The following WWTR1 variants were observed in gnomAD, a reference collection of about 807,000 sequenced individuals.
WWTR1 encodes WW domain containing transcription regulator 1.
A neutral mutation model predicts 40.1 loss-of-function variants in WWTR1; 13 were observed. The ratio of observed to expected loss-of-function variants is 0.32; its 90% confidence interval spans 0.21 to 0.52. The LOEUF (loss-of-function observed/expected upper bound fraction) is 0.52. WWTR1 is among the 20% of genes least tolerant of loss of function. The probability of loss-of-function intolerance (pLI) is 0.97; values close to 1 mark genes in which losing one functional copy is unlikely to be tolerated. For synonymous variants in WWTR1, 230 were observed against 210.1 expected, an observed-to-expected ratio of 1.09 and a Z score of -0.82; for missense variants, 436 against 523.1, an observed-to-expected ratio of 0.83 and a Z score of 1.63.
intron 2 of WWTR1, among the ~76,000 whole-genome samples, chr3:149,615,690 T>C (rs1739939862): frequency 6.6e-6 from 1 of 152,210 alleles, no homozygotes; most frequent in South Asian, 2.1e-4. Context: ...CCTTGAGACA[T>C]GCCTGTTCAG....
intron 2 of WWTR1, among the ~76,000 whole-genome samples, chr3:149,584,916 A>T (rs1416594175): frequency 6.6e-6 from 1 of 152,238 alleles, no homozygotes; most frequent in Non-Finnish European, 1.5e-5. Context: ...AGTGCCGGAT[A>T]TGCATGACAC....
In WWTR1 at chr3:149,573,418, C is replaced by G. The variant is rs534410728; in HGVS notation, c.432-418G>C. ...GCCAGTACCCCATACTCTCCTGACT[C>G]ATAGAATTGACATAATGAGGATCCC... On this transcript the variant is annotated intron_variant, in intron 2 of 6. Transcript: ENST00000360632. Among the ~76,000 whole-genome samples, 29 of 152,268 alleles carry G rather than the reference C, an allele frequency of 1.9e-4. No individual in the cohort carries two copies. In the East Asian group the frequency reaches 5.4e-3, roughly 28 times the overall value.
chr3:149,700,143 A>G (rs1034041646), intron 1 of WWTR1, among the ~76,000 whole-genome samples: 3 of 152,106 alleles, frequency 2.0e-5, no homozygotes, highest in African/African-American at 7.2e-5. Context: ...GTGACAGTGG[A>G]AGCAGTAGCT....
intron 3 of WWTR1, among the ~76,000 whole-genome samples, chr3:149,543,596 A>AAAAAAAAAAAAAAAAAAAAAAAAAAC (rs1736233443): frequency 6.7e-6 from 1 of 149,454 alleles, no homozygotes; most frequent in Non-Finnish European, 1.5e-5. Context: ...AAAAAAAAAA[A>AAAAAAAAAAAAAAAAAAAAAAAAAAC]AAAAAAAGAA....
intron 2 of WWTR1, among the ~76,000 whole-genome samples, chr3:149,627,974 G>T (rs1166338331): frequency 6.6e-6 from 1 of 151,984 alleles, no homozygotes; most frequent in Non-Finnish European, 1.5e-5. Flanking sequence ...TCGGGAGGCT[G>T]AGGCAGAAAA....
At chr3:149,710,097 C>T (rs1445390581) in intron 5 of WWTR1, among the ~76,000 whole-genome samples, 1 of 152,076 alleles carries the variant, frequency 6.6e-6, no homozygotes, top group Non-Finnish European at 1.5e-5. Flanking sequence ...CATAAGACTC[C>T]CAGTGGCCAT....
chr3:149,541,402 A>T (rs959659701), intron 4 of WWTR1, among the ~76,000 whole-genome samples: 4 of 152,224 alleles, frequency 2.6e-5, no homozygotes, highest in African/African-American at 4.8e-5. Context: ...TGACGGAATG[A>T]AAACTGAATG....
chr3:149,602,595 C>T (rs1202930278), intron 2 of WWTR1, among the ~76,000 whole-genome samples: 1 of 152,140 alleles, frequency 6.6e-6, no homozygotes, highest in Non-Finnish European at 1.5e-5. Context: ...GGCCACCAAA[C>T]CCCTCAAATA....
chr3:149,575,154 ATAAAG>A (rs1737828352), intron 2 of WWTR1, among the ~76,000 whole-genome samples: 1 of 152,160 alleles, frequency 6.6e-6, no homozygotes, highest in Non-Finnish European at 1.5e-5. Flanking sequence ...TTCCCTAAGT[ATAAAG>A]TAAATAATAA....
intron 2 of WWTR1, among the ~76,000 whole-genome samples, chr3:149,592,967 C>T (rs1257794536): frequency 6.6e-6 from 1 of 152,082 alleles, no homozygotes; most frequent in South Asian, 2.1e-4. Flanking sequence ...AAAAACACAC[C>T]AGAGATGGTA....
chr3:149,639,422 G>A (rs1436816678), intron 2 of WWTR1, among the ~76,000 whole-genome samples: 34 of 151,766 alleles, frequency 2.2e-4, no homozygotes, highest in Non-Finnish European at 4.3e-4. Context: ...TGCTCAGGCC[G>A]GTCTCAAACT....
At chr3:149,665,227 C>CTT (rs11398199) in intron 2 of WWTR1, among the ~76,000 whole-genome samples, 48,437 of 128,078 alleles carry the variant, frequency 0.38, 9,984 homozygotes, top group Middle Eastern at 0.55. Context: ...TCCTTTCTTT[C>CTT]TTTTTTTTTT....
chr3:149,663,266 C>T (rs1169955398), intron 2 of WWTR1, among the ~76,000 whole-genome samples: 1 of 151,958 alleles, frequency 6.6e-6, no homozygotes, highest in Non-Finnish European at 1.5e-5. Flanking sequence ...GATCCACCCA[C>T]CTCAGCCTCC....
intron 2 of WWTR1, among the ~76,000 whole-genome samples, chr3:149,663,233 T>C (rs2108177342): frequency 6.6e-6 from 1 of 151,740 alleles, no homozygotes; most frequent in Middle Eastern, 3.4e-3. Flanking sequence ...GGTTTCACCA[T>C]GTTGGCCAGG....
intron 3 of WWTR1, among the ~76,000 whole-genome samples, chr3:149,568,699 T>C (rs552205656): frequency 1.3e-5 from 2 of 152,304 alleles, no homozygotes; most frequent in African/African-American, 4.8e-5. Flanking sequence ...AATGGGTCTT[T>C]CCTCTTGCAA....
chr3:149,548,777 CAACA>C (rs1293180939), intron 3 of WWTR1, among the ~76,000 whole-genome samples: 2 of 152,184 alleles, frequency 1.3e-5, no homozygotes, highest in African/African-American at 4.8e-5. Flanking sequence ...CTCCTTTCGA[CAACA>C]AACTTCTCAG....
At chr3:149,612,335 C>T (rs956210437) in intron 2 of WWTR1, among the ~76,000 whole-genome samples, 8 of 150,456 alleles carry the variant, frequency 5.3e-5, no homozygotes, top group African/African-American at 1.5e-4. Flanking sequence ...ATTGGGTAAA[C>T]GTTCTCACAG....
chr3:149,544,082 C>G (rs1736260414), intron 3 of WWTR1, among the ~76,000 whole-genome samples: 1 of 151,828 alleles, frequency 6.6e-6, no homozygotes, highest in East Asian at 1.9e-4. Context: ...AAGTTAAATA[C>G]TTTTCATCTT....
At chr3:149,573,112 AGTG>A in intron 2 of WWTR1, 112 bp from the exon 3 acceptor site, 1 of 1,163,424 alleles carries the variant, frequency 8.6e-7, no homozygotes, top group Non-Finnish European at 1.2e-6. Context: ...GATCTGCTTG[AGTG>A]GTTGATAGAT....
Sources: gnomAD v4.1 joint callset for allele counts (sites outside exome capture counted in the v4.1 genomes callset) on GRCh38, gnomAD v4.1.1 for gene constraint, MANE v1.5 for transcripts, NCBI Gene and HGNC (gene_info 2026-07-23, HGNC 2026-07-21) for gene names.